Variants in MROH1 observed in about 807,000 individuals in gnomAD.
MROH1 encodes maestro heat like repeat family member 1.
In MROH1, 117 loss-of-function variants were observed where a neutral mutation model predicts 116.5. The ratio of observed to expected loss-of-function variants is 1.00; its 90% confidence interval spans 0.86 to 1.17. The LOEUF (loss-of-function observed/expected upper bound fraction) is 1.17, where lower values mean the gene tolerates loss of function less well. MROH1 is among the 50% of genes most tolerant of loss of function. The pLI is 0.00. For missense variants in MROH1, 1,873 were observed against 1,338.5 expected, an observed-to-expected ratio of 1.40 and a Z score of -6.23; for synonymous variants, 921 against 583.9, an observed-to-expected ratio of 1.58 and a Z score of -8.32.
chr8:144,240,708 T>C (rs942681573), intron 20 of MROH1, 31 bp downstream of exon 20: 2 of 712,442 alleles, frequency 2.8e-6, no homozygotes, highest in Admixed American at 4.0e-5. Context: ...CTTGGTGTGG[T>C]ACTTGGGCTC....
At chr8:144,247,820 T>G in intron 31 of MROH1, 141 bp downstream of exon 31, 2 of 678,126 alleles carry the variant, frequency 2.9e-6, no homozygotes, top group Non-Finnish European at 2.7e-6. Flanking sequence ...CCTGGGTGTT[T>G]GCATTAGTTG....
At chr8:144,259,440 A>G (rs1844548772) in intron 37 of MROH1, 86 bp downstream of exon 37, 6 of 707,318 alleles carry the variant, frequency 8.5e-6, no homozygotes, top group Non-Finnish European at 1.6e-5. Context: ...TTACCCCTAA[A>G]AGGCCCCCTC....
At position 144,163,811 on chromosome 8, in the gene MROH1, A is replaced by G. The variant is rs1343549150; in HGVS notation, c.-16A>G. The G allele has an allele frequency of 6.2e-7, 1 of 1,613,628 alleles. No homozygotes were observed. The highest frequency in any genetic ancestry group is 1.1e-5 in the South Asian group (1 of 91,046). ...GTCCATGTTCACACTGGGTGAAGGA[A>G]GCTGAAACCACAGACATGACTGAGT... On this transcript the variant is annotated 5_prime_UTR_variant, in exon 3 of 44. Coordinates refer to ENST00000326134, the MANE Select transcript of MROH1 (RefSeq NM_032450.3). This position sits in a 1 kb window ranked among gnomAD's most constrained non-coding sequence, Gnocchi z 4.4.
intron 29 of MROH1, among the ~76,000 whole-genome samples, chr8:144,246,457 T>G (rs1199285821): frequency 6.6e-6 from 1 of 152,046 alleles, no homozygotes; most frequent in African/African-American, 2.4e-5. Context: ...TGTGGTCAAA[T>G]CTCGTGTGTT....
chr8:144,227,621 G>A (rs772327027), intron 14 of MROH1, among the ~76,000 whole-genome samples: 1 of 151,112 alleles, frequency 6.6e-6, no homozygotes, highest in Non-Finnish European at 1.5e-5. Flanking sequence ...CTCCAGCCTG[G>A]GTGACAGAAT....
chr8:144,243,745 AC>A, intron 25 of MROH1, 117 bp from the exon 26 acceptor site: 2 of 749,184 alleles, frequency 2.7e-6, no homozygotes, highest in Non-Finnish European at 5.0e-6. Flanking sequence ...CCATGTAGGG[AC>A]ACATGGGGCT....
chr8:144,240,178 C>G (rs1840726391), intron 19 of MROH1, 25 bp downstream of exon 19: 2 of 765,178 alleles, frequency 2.6e-6, no homozygotes, highest in Non-Finnish European at 4.9e-6. Context: ...ACGGCCCATC[C>G]TGGGCCTTAA....
chr8:144,183,051 G>A (rs756217115), intron 7 of MROH1, among the ~76,000 whole-genome samples: 8 of 152,042 alleles, frequency 5.3e-5, no homozygotes, highest in South Asian at 2.1e-4. Context: ...ACTCCAGCCC[G>A]GGTGACAGAG....
At position 144,168,325 on chromosome 8, in the gene MROH1, C is replaced by G; in HGVS notation, c.53C>G (p.Thr18Ser). Residue 18 changes from threonine (T) to serine (S), a missense_variant, in exon 4 of 44, where the codon ACC (threonine) becomes AGC (serine). By Grantham distance (58) the Thr-to-Ser change is moderately conservative. Coordinates refer to ENST00000326134, the MANE Select transcript of MROH1 (RefSeq NM_032450.3). ...GCCTCCACCCTGCTGGACGCCATCA[C>G]CGATAAGGACCCCCTGGTGCAGGAG... Reference protein sequence around the residue: ...KLASTLLDAITDKDPLVQEQV... With the variant: ...KLASTLLDAISDKDPLVQEQV... 1.2e-6 allele frequency: 2 copies of G among 1,608,984 alleles called. No homozygotes were observed. The highest frequency in any genetic ancestry group is 1.7e-6 in the Non-Finnish European group (2 of 1,179,350).
At chr8:144,156,095 G>A (rs1817988876) in intron 1 of MROH1, among the ~76,000 whole-genome samples, 1 of 151,984 alleles carries the variant, frequency 6.6e-6, no homozygotes, top group African/African-American at 2.4e-5. Context: ...AAAATTAGCT[G>A]GGCGTGGGGC....
chr8:144,235,803 A>G (rs1252954306), intron 14 of MROH1, among the ~76,000 whole-genome samples: 2 of 152,174 alleles, frequency 1.3e-5, no homozygotes, highest in Non-Finnish European at 2.9e-5. Context: ...ATGCCTTTGT[A>G]TGATATTTGT....
At position 144,182,805 on chromosome 8, in the gene MROH1, G is replaced by A. The variant is rs147886995; in HGVS notation, c.562+2282G>A. On this transcript the variant is annotated intron_variant, in intron 7 of 43. Transcript: ENST00000326134. The surrounding 1 kb of genome is among the most constrained non-coding windows in gnomAD (Gnocchi z 4.1). ...AAGGCATGCCCTAGTGGCCGGGTGC[G>A]GTGGCTCATGCCTGTAATCCCAGCA... 2.3e-3 allele frequency among the ~76,000 whole-genome samples: 345 copies of A among 152,274 alleles called. No individual in the cohort carries two copies. Among genetic ancestry groups the A allele is most frequent in the African/African-American group, 7.8e-3 (323 of 41,570 alleles).
At chr8:144,254,672 A>C in intron 33 of MROH1, 141 bp from the exon 34 acceptor site, 1 of 605,548 alleles carries the variant, frequency 1.7e-6, no homozygotes, top group Non-Finnish European at 3.0e-6. Flanking sequence ...TGAGGCCAAG[A>C]GGCCATTTCC....
At position 144,238,816 on chromosome 8, in the gene MROH1, G is replaced by A. The variant is rs1264793308; in HGVS notation, c.1399G>A (p.Val467Met). 9.2e-5 allele frequency: 71 copies of A among 775,186 alleles called. No homozygotes were observed. The highest frequency in any genetic ancestry group is 5.5e-4 in the South Asian group (41 of 74,580). 48.0% of individuals were successfully genotyped at this position (775,186 alleles called of 1,614,324 possible). The change falls in exon 15 of 44, where the codon GTG (valine) becomes ATG (methionine). Residue 467 changes from valine to methionine, a missense_variant. Coordinates refer to ENST00000326134, the MANE Select transcript of MROH1 (RefSeq NM_032450.3). ...PKADSVRAIS[V>M]RTLYLVSTTV... ...GGCCGACAGCGTGCGGGCCATCAGC[G>A]TGCGCACCCTCTACCTGGTCAGCAC...
Position 144,250,350 on chromosome 8 carries a change from C to T in MROH1, c.3412C>T (p.Pro1138Ser), listed in dbSNP as rs1842646917. Reference protein sequence around the residue: ...AAVVSSLLGSPLPLDSHTCML... With the variant: ...AAVVSSLLGSSLPLDSHTCML... ...CGTGGTGTCCAGCCTCCTGGGCAGC[C>T]CCTTGCCCTTGGACAGGTACCCAGC... Residue 1138 changes from proline to serine, a missense_variant, in exon 33 of 44, where the codon CCC becomes TCC. By Grantham distance (74) the Pro-to-Ser change is moderately conservative. Transcript: ENST00000326134. The T allele has an allele frequency of 1.3e-6, 1 of 765,098 alleles. No homozygotes were observed. The highest frequency in any genetic ancestry group is 2.4e-6 in the Non-Finnish European group (1 of 414,030). The allele number at this position is 765,098 out of a possible 1,614,324, so 47.4% of individuals were successfully genotyped here. A position where few individuals can be genotyped will look rare whatever the true frequency, so the allele number is the denominator to read the frequency against.
At chr8:144,150,806 A>T (rs1444328659) in intron 1 of MROH1, among the ~76,000 whole-genome samples, 7 of 152,094 alleles carry the variant, frequency 4.6e-5, no homozygotes, top group Non-Finnish European at 8.8e-5. Flanking sequence ...AGGGGAAGGG[A>T]AGTGCTGGGT....
intron 35 of MROH1, 85 bp from the exon 36 acceptor site, chr8:144,258,692 G>C (rs909512620): frequency 5.7e-6 from 4 of 702,714 alleles, no homozygotes; most frequent in Non-Finnish European, 1.0e-5. Context: ...TGGGCAACAC[G>C]CATTGGGTGC....
intron 14 of MROH1, among the ~76,000 whole-genome samples, chr8:144,237,741 C>G (rs1840290933): frequency 6.6e-6 from 1 of 152,144 alleles, no homozygotes; most frequent in African/African-American, 2.4e-5. Flanking sequence ...CACCCTGTCG[C>G]TGGGATTTTC....
chr8:144,241,660 A>C, intron 22 of MROH1, 143 bp downstream of exon 22: 1 of 721,012 alleles, frequency 1.4e-6, no homozygotes, highest in Non-Finnish European at 2.6e-6. Flanking sequence ...TTCCATGGGC[A>C]GGACCTGTGC....
Sources: allele counts gnomAD v4.1 joint callset (sites outside exome capture counted in the v4.1 genomes callset), GRCh38; gene constraint gnomAD v4.1.1; non-coding constraint Gnocchi (gnomAD v3.1); transcripts MANE v1.5; gene names NCBI Gene and HGNC (gene_info 2026-07-23, HGNC 2026-07-21).